CCSER2: variants seen among roughly 807,000 people sequenced by gnomAD.
The protein encoded by CCSER2 is serine-rich coiled-coil domain-containing protein 2.
In CCSER2, 46 loss-of-function variants were observed where a neutral mutation model predicts 92.3. That is an observed-to-expected ratio of 0.50 (90% CI 0.39 to 0.64). The LOEUF (loss-of-function observed/expected upper bound fraction) is 0.64. Among genes scored for constraint, CCSER2 ranks in the 30% least tolerant of loss-of-function variants. CCSER2 has a pLI of 0.00. For synonymous variants in CCSER2, 433 were observed against 431.4 expected, an observed-to-expected ratio of 1.00 and a Z score of -0.04; for missense variants, 1,244 against 1,238.9, an observed-to-expected ratio of 1.00 and a Z score of -0.06.
In CCSER2 at chr10:84,427,304, G is replaced by A. The variant is rs537532277; in HGVS notation, c.1868+1411G>A. Among the ~76,000 whole-genome samples the A allele has an allele frequency of 2.1e-4, 32 of 152,266 alleles. No homozygotes were observed. The South Asian group carries it at 6.2e-3, about 30-fold the overall frequency. On this transcript the variant is annotated intron_variant, in intron 5 of 9. Coordinates refer to ENST00000372088, the MANE Select transcript of CCSER2 (RefSeq NM_001284240.2). ...GAAACTCTCAATCTTTGGGGTGTTG[G>A]TGCTGGTTTTGAGACACCTACATCC...
At chr10:84,464,695 T>C (rs1374902448) in intron 7 of CCSER2, among the ~76,000 whole-genome samples, 1 of 152,198 alleles carries the variant, frequency 6.6e-6, no homozygotes, top group African/African-American at 2.4e-5. Flanking sequence ...ATATTGGCTG[T>C]AGATCAGCTG....
chr10:84,510,767 CTTG>C (rs1207807302), intron 9 of CCSER2, among the ~76,000 whole-genome samples: 1 of 152,164 alleles, frequency 6.6e-6, no homozygotes, highest in Non-Finnish European at 1.5e-5. Flanking sequence ...TAAGAGGTAG[CTTG>C]TTGTTCAACT....
chr10:84,445,613 GA>G (rs1413517941), intron 6 of CCSER2, among the ~76,000 whole-genome samples: 1 of 152,150 alleles, frequency 6.6e-6, no homozygotes, highest in Non-Finnish European at 1.5e-5. Context: ...AACATTACCA[GA>G]ACAGAATCCT....
rs150301166 is a variant in CCSER2 at position 84,373,790 on chromosome 10, A to C, written c.1589A>C (p.Tyr530Ser). The C allele has an allele frequency of 6.2e-7, 1 of 1,613,720 alleles. No individual in the cohort carries two copies. Among genetic ancestry groups the C allele is most frequent in the Non-Finnish European group, 8.5e-7 (1 of 1,179,712 alleles). ...GGAAATGTCCATCCAGTTGGGAGCT[A>C]TGAGTCCTCTGAAATGAACAGCATA... ...PIGNVHPVGS[Y>S]ESSEMNSIDI... Residue 530 changes from tyrosine to serine, a missense_variant, in exon 3 of 10, where the codon TAT (tyrosine) becomes TCT (serine). Transcript: ENST00000372088.
intron 1 of CCSER2, among the ~76,000 whole-genome samples, chr10:84,370,279 A>C (rs889746994): frequency 6.6e-6 from 1 of 152,210 alleles, no homozygotes; most frequent in East Asian, 1.9e-4. Context: ...ATGTATTTCC[A>C]TTCGTTTGCA....
intron 3 of CCSER2, among the ~76,000 whole-genome samples, chr10:84,417,059 C>T (rs146705214): frequency 4.3e-4 from 65 of 152,318 alleles, no homozygotes; most frequent in African/African-American, 7.0e-4. Flanking sequence ...ATTGTAAGGA[C>T]GCACCAGTGG....
At chr10:84,333,881 T>G (rs1357086766) in intron 1 of CCSER2, among the ~76,000 whole-genome samples, 2 of 152,228 alleles carry the variant, frequency 1.3e-5, no homozygotes, top group Non-Finnish European at 2.9e-5. Flanking sequence ...CTGTGATGTA[T>G]TGTACCTATT....
intron 4 of CCSER2, among the ~76,000 whole-genome samples, chr10:84,423,389 C>T (rs1043658135): frequency 1.3e-5 from 2 of 152,142 alleles, no homozygotes; most frequent in Non-Finnish European, 2.9e-5. Context: ...GCTTACTTAC[C>T]ATTATGTCCA....
intron 1 of CCSER2, among the ~76,000 whole-genome samples, chr10:84,347,118 C>G (rs1457715082): frequency 3.3e-5 from 5 of 152,232 alleles, no homozygotes; most frequent in Non-Finnish European, 7.3e-5. Flanking sequence ...AGATCAACAG[C>G]ATCCCAAGGC....
intron 1 of CCSER2, among the ~76,000 whole-genome samples, chr10:84,333,764 C>A (rs1459804577): frequency 2.0e-5 from 3 of 152,162 alleles, no homozygotes; most frequent in African/African-American, 7.2e-5. Context: ...GTAACTGATA[C>A]ACAACAGAGT....
intron 3 of CCSER2, among the ~76,000 whole-genome samples, chr10:84,388,862 A>AAG (rs1225948211): frequency 6.6e-6 from 1 of 152,220 alleles, no homozygotes; most frequent in Non-Finnish European, 1.5e-5. Flanking sequence ...GAGCTCAGGC[A>AAG]GTAATGCTCA....
In CCSER2 at chr10:84,499,859, A is replaced by T. The variant is rs375069579; in HGVS notation, c.2326-13590A>T. ...CTTTTTTATTATACCTCCCTACCCC[A>T]TCTCTCTCTGCACAGGGTGGGTATT... On this transcript the variant is annotated intron_variant, in intron 9 of 9. Coordinates refer to ENST00000372088, the MANE Select transcript of CCSER2 (RefSeq NM_001284240.2). 2.5e-6 allele frequency: 4 copies of T among 1,613,054 alleles called. No homozygotes were observed. In the African/African-American group the frequency reaches 5.3e-5, roughly 22 times the overall value.
At chr10:84,354,120 G>C (rs997764500) in intron 1 of CCSER2, among the ~76,000 whole-genome samples, 5 of 152,094 alleles carry the variant, frequency 3.3e-5, no homozygotes, top group African/African-American at 1.2e-4. Flanking sequence ...GGTTGCTTGA[G>C]CCCAGGAGGT....
chr10:84,394,370 TAAC>T lies in CCSER2; in HGVS notation c.1614+20558_1614+20560del, dbSNP rs561847208. Among the ~76,000 whole-genome samples, 390 of 142,846 alleles carry T rather than the reference TAAC, an allele frequency of 2.7e-3. 2 individuals carry two copies. Among genetic ancestry groups the T allele is most frequent in the African/African-American group, 9.4e-3 (352 of 37,576 alleles). The allele number at this position is 142,846 out of a possible 152,430, so 93.7% of individuals were successfully genotyped here. A position where few individuals can be genotyped will look rare whatever the true frequency, so the allele number is the denominator to read the frequency against. On this transcript the variant is annotated intron_variant, in intron 3 of 9. Coordinates refer to ENST00000372088, the MANE Select transcript of CCSER2 (RefSeq NM_001284240.2). ...GATTAGTATGCATATGCTCTTGAAATAACAAAAGGAAAGTATGTGTGTGTGTGT... is the reference window on the plus strand; with the variant it reads ...GATTAGTATGCATATGCTCTTGAAATAAAAGGAAAGTATGTGTGTGTGTGT...
In CCSER2 at chr10:84,513,848, C is replaced by G. The variant is rs771357741; in HGVS notation, c.2725C>G (p.Pro909Ala). The G allele has an allele frequency of 4.6e-6, 7 of 1,536,260 alleles. No homozygotes were observed. The highest frequency in any genetic ancestry group is 5.2e-6 in the Non-Finnish European group (6 of 1,146,932). Residue 909 changes from proline to alanine, a missense_variant, in exon 10 of 10, where the codon CCG (proline) becomes GCG (alanine). Pro to Ala is a conservative substitution (Grantham distance 27). Transcript: ENST00000372088. ...QAKRVGRNQS[P>A]PVGYMSQPKS... is the part of the protein sequence containing the mutation. ...TAAGAGAGTTGGAAGAAATCAGTCT[C>G]CGCCAGTGGGTTATATGTCTCAGCC...
intron 1 of CCSER2, among the ~76,000 whole-genome samples, chr10:84,337,823 G>A (rs534942443): frequency 3.9e-4 from 59 of 152,288 alleles, no homozygotes; most frequent in Non-Finnish European, 7.6e-4. Flanking sequence ...GAAAAAGCAG[G>A]CTGGAGGGGC....
intron 9 of CCSER2, among the ~76,000 whole-genome samples, chr10:84,495,087 C>T (rs970163103): frequency 6.8e-6 from 1 of 147,836 alleles, no homozygotes; most frequent in Admixed American, 6.8e-5. Flanking sequence ...TCTTTTCTGT[C>T]TCTACTTCAG....
chr10:84,364,305 A>G (rs140809565), intron 1 of CCSER2, among the ~76,000 whole-genome samples: 4 of 152,342 alleles, frequency 2.6e-5, no homozygotes, highest in African/African-American at 9.6e-5. Context: ...TCACTAGGCT[A>G]TAGGAATTTT....
intron 1 of CCSER2, among the ~76,000 whole-genome samples, chr10:84,329,954 C>T (rs1329483713): frequency 6.6e-6 from 1 of 152,212 alleles, no homozygotes; most frequent in African/African-American, 2.4e-5. Flanking sequence ...CTTTGTTGAA[C>T]CCTTTAGCCA....
Sources: gnomAD v4.1 joint callset for allele counts (sites outside exome capture counted in the v4.1 genomes callset) on GRCh38, gnomAD v4.1.1 for gene constraint, MANE v1.5 for transcripts, NCBI Gene and HGNC (gene_info 2026-07-23, HGNC 2026-07-21) for gene names.